Variants in SHC3 observed in about 807,000 individuals in gnomAD.
SHC3 encodes the protein SHC adaptor protein 3.
Under a neutral mutation model 60.4 loss-of-function variants are expected in SHC3, and 15 were observed. That is an observed-to-expected ratio of 0.25 (90% CI 0.17 to 0.38). The LOEUF (loss-of-function observed/expected upper bound fraction) is 0.38. Among genes scored for constraint, SHC3 ranks in the 10% least tolerant of loss-of-function variants. The pLI is 1.00. For missense variants in SHC3, 677 were observed against 786.1 expected (o/e 0.86, Z 1.66); for synonymous variants, 294 against 325.9 (o/e 0.90, Z 1.05).
chr9:89,037,439 G>A (rs1564090279), intron 11 of SHC3: 6 of 683,836 alleles, frequency 8.8e-6, no homozygotes, highest in Non-Finnish European at 1.6e-5. Flanking sequence ...TTTCTTGACG[G>A]GAAGATGAAA....
At chr9:89,169,041 G>C (rs1236364934) in intron 1 of SHC3, among the ~76,000 whole-genome samples, 2 of 152,090 alleles carry the variant, frequency 1.3e-5, no homozygotes, top group Non-Finnish European at 2.9e-5. Flanking sequence ...GCAGATCTTG[G>C]GACTTGCCTG....
intron 2 of SHC3, among the ~76,000 whole-genome samples, chr9:89,078,463 C>A (rs1825396135): frequency 1.3e-5 from 2 of 152,072 alleles, no homozygotes. Flanking sequence ...GTATAAAGAA[C>A]CCGGCAGTGA....
intron 2 of SHC3, among the ~76,000 whole-genome samples, chr9:89,087,925 G>A (rs996607002): frequency 1.3e-5 from 2 of 152,172 alleles, no homozygotes; most frequent in Non-Finnish European, 2.9e-5. Flanking sequence ...AGTAGGCCCT[G>A]AAGGAAATGA....
chr9:89,078,091 A>T (rs1825389022), intron 2 of SHC3, among the ~76,000 whole-genome samples, 188 bp from the exon 3 acceptor site: 1 of 152,104 alleles, frequency 6.6e-6, no homozygotes, highest in Admixed American at 6.5e-5. Context: ...CAAACAGGTC[A>T]TCGTAAAACC....
At chr9:89,028,024 T>C (rs989731037) in intron 11 of SHC3, among the ~76,000 whole-genome samples, 3 of 152,208 alleles carry the variant, frequency 2.0e-5, no homozygotes, top group African/African-American at 7.2e-5. Context: ...AAATTAAACA[T>C]GCTGCCTGGG....
chr9:89,026,910 C>T (rs986621207), intron 11 of SHC3, among the ~76,000 whole-genome samples: 2 of 152,174 alleles, frequency 1.3e-5, no homozygotes, highest in Admixed American at 6.5e-5. Context: ...TCTTCCCTGG[C>T]CCTATTGCTT....
At chr9:89,166,601 C>T (rs927767347) in intron 1 of SHC3, among the ~76,000 whole-genome samples, 2 of 151,968 alleles carry the variant, frequency 1.3e-5, no homozygotes, top group African/African-American at 2.4e-5. Context: ...GCAAAAGAAT[C>T]GAAAAGGGGT....
At position 89,071,064 on chromosome 9, in the gene SHC3, G is replaced by A. The variant is rs1825262521; in HGVS notation, c.783+135C>T. 5.7e-6 allele frequency: 4 copies of A among 706,796 alleles called. No homozygotes were observed. The South Asian group carries it at 1.0e-4, about 18-fold the overall frequency. 43.8% of individuals were successfully genotyped at this position (706,796 alleles called of 1,614,324 possible). A position where few individuals can be genotyped will look rare whatever the true frequency, so the allele number is the denominator to read the frequency against. ...ACGATGGCCAAGAAGATCTTCTATG[G>A]AAATCAGGAGGGGGAAATTAGTTGC... On this transcript the variant is annotated intron_variant, in intron 5 of 11. Transcript: ENST00000375835.
rs78038043 is a variant in SHC3, at chr9:89,007,531, A to G, written c.*5916T>C. On this transcript the variant is annotated 3_prime_UTR_variant, in exon 12 of 12. Transcript: ENST00000375835. ...ACTAATGCACAAATGAGGCCAAGAA[A>G]CTGGCTAGAAATCCCAAGAAACTGT... 5,703 of 152,352 alleles carry G rather than the reference A, an allele frequency of 0.037. 108 individuals are homozygous for G. The highest frequency in any genetic ancestry group is 0.085 in the Middle Eastern group (25 of 294). The allele number at this position is 152,352 out of a possible 1,614,324, so 9.4% of individuals were successfully genotyped here. A position where few individuals can be genotyped will look rare whatever the true frequency, so the allele number is the denominator to read the frequency against.
intron 5 of SHC3, 152 bp from the exon 6 acceptor site, chr9:89,065,732 T>C (rs1825168423): frequency 3.9e-6 from 3 of 773,392 alleles, no homozygotes; most frequent in Admixed American, 4.6e-5. Flanking sequence ...CCCCAGAAGA[T>C]TCAAGCTATA....
At chr9:89,137,858 C>T (rs575044476) in intron 1 of SHC3, among the ~76,000 whole-genome samples, 1 of 152,306 alleles carries the variant, frequency 6.6e-6, no homozygotes, top group African/African-American at 2.4e-5. Context: ...AAATGAAACA[C>T]GTTGCTCCTT....
chr9:89,046,045 T>G (rs538699707), intron 8 of SHC3, among the ~76,000 whole-genome samples: 4 of 150,868 alleles, frequency 2.7e-5, no homozygotes, highest in Non-Finnish European at 5.9e-5. Flanking sequence ...CCATCAAAAC[T>G]ACACATGCCC....
intron 1 of SHC3, among the ~76,000 whole-genome samples, chr9:89,113,146 C>T (rs181473551): frequency 2.6e-4 from 39 of 152,202 alleles, no homozygotes; most frequent in African/African-American, 8.2e-4. Context: ...CTATAGATTA[C>T]CCTCAAAGGT....
intron 10 of SHC3, among the ~76,000 whole-genome samples, chr9:89,041,498 A>G (rs561490373): frequency 6.6e-6 from 1 of 152,344 alleles, no homozygotes; most frequent in Non-Finnish European, 1.5e-5. Flanking sequence ...GTGAGGTAAA[A>G]GGTGAGCAAG....
intron 1 of SHC3, among the ~76,000 whole-genome samples, chr9:89,160,323 A>T (rs900003301): frequency 1.3e-5 from 2 of 152,100 alleles, no homozygotes; most frequent in African/African-American, 4.8e-5. Context: ...GTCCTTCCAG[A>T]CCCAGAATAA....
chr9:89,050,116 A>T (rs184870362), intron 7 of SHC3, among the ~76,000 whole-genome samples: 221 of 152,334 alleles, frequency 1.5e-3, no homozygotes, highest in Admixed American at 2.4e-3. Context: ...TAGAAGCTAG[A>T]TGTTGTCTAT....
At chr9:89,071,074 G>A (rs2117993983) in intron 5 of SHC3, 125 bp downstream of exon 5, 1 of 774,060 alleles carries the variant, frequency 1.3e-6, no homozygotes, top group African/African-American at 1.7e-5. Context: ...GAAATCAGGA[G>A]GGGGAAATTA....
At chr9:89,122,344 C>T (rs1826103292) in intron 1 of SHC3, among the ~76,000 whole-genome samples, 1 of 152,218 alleles carries the variant, frequency 6.6e-6, no homozygotes, top group Non-Finnish European at 1.5e-5. Flanking sequence ...CACTAGCTGG[C>T]AGGAATGCCA....
At chr9:89,172,414 G>GT (rs974085358) in intron 1 of SHC3, among the ~76,000 whole-genome samples, 8 of 152,086 alleles carry the variant, frequency 5.3e-5, no homozygotes, top group African/African-American at 1.4e-4. Context: ...GTTTTGTTTT[G>GT]TTTTTTAACT....
Sources: allele counts gnomAD v4.1 joint callset (sites outside exome capture counted in the v4.1 genomes callset), GRCh38; gene constraint gnomAD v4.1.1; transcripts MANE v1.5; gene names NCBI Gene and HGNC (gene_info 2026-07-23, HGNC 2026-07-21).